The following ZNF585B variants were observed in gnomAD, a reference collection of about 807,000 sequenced individuals.
ZNF585B encodes the protein zinc finger protein 41-like protein.
A neutral mutation model predicts 14.0 loss-of-function variants in ZNF585B; 7 were observed. The observed-to-expected ratio is 0.50, with a 90% CI of 0.28 to 0.94. The LOEUF (loss-of-function observed/expected upper bound fraction) is 0.94, where lower values mean the gene tolerates loss of function less well. Among genes scored for constraint, ZNF585B ranks in the 40% least tolerant of loss-of-function variants. The pLI is 0.09. For missense variants in ZNF585B, 750 were observed against 924.4 expected (o/e 0.81, Z 2.45); for synonymous variants, 290 against 317.3 (o/e 0.91, Z 0.91).
At chr19:37,191,643 C>G (rs1038683965) in intron 2 of ZNF585B, among the ~76,000 whole-genome samples, 11 of 151,390 alleles carry the variant, frequency 7.3e-5, no homozygotes, top group Non-Finnish European at 1.2e-4. Flanking sequence ...TCTAGTTTTA[C>G]ATAATTTGTG....
intron 2 of ZNF585B, among the ~76,000 whole-genome samples, chr19:37,193,157 A>G (rs1453268640): frequency 2.0e-5 from 3 of 151,668 alleles, no homozygotes; most frequent in Admixed American, 2.0e-4. Context: ...AAACAAAAAA[A>G]AACACCACAT....
intron 2 of ZNF585B, among the ~76,000 whole-genome samples, chr19:37,198,042 G>T (rs1972488127): frequency 6.6e-6 from 1 of 151,996 alleles, no homozygotes; most frequent in South Asian, 2.1e-4. Flanking sequence ...AAAAAAAAAT[G>T]ACTTAAATTT....
chr19:37,208,638 G>C (rs1972612894), intron 1 of ZNF585B, among the ~76,000 whole-genome samples: 1 of 151,230 alleles, frequency 6.6e-6, no homozygotes, highest in African/African-American at 2.4e-5. Flanking sequence ...AAAATTCAGA[G>C]AAAAGGAAGC....
Position 37,190,013 on chromosome 19 carries a change from A to T in ZNF585B, c.199+11T>A. 1 of 1,613,232 alleles carries T rather than the reference A, an allele frequency of 6.2e-7. No individual in the cohort carries two copies. ...AGGCCTCCTTTCAGATACCAAGGTG[A>T]CTGTGCTTACCTACTGAGAGCAGGT... On this transcript the variant is annotated intron_variant, in intron 3 of 4. Coordinates refer to ENST00000532828, the MANE Select transcript of ZNF585B (RefSeq NM_152279.4).
At chr19:37,192,576 C>T (rs1452647584) in intron 2 of ZNF585B, among the ~76,000 whole-genome samples, 8 of 151,586 alleles carry the variant, frequency 5.3e-5, no homozygotes, top group African/African-American at 9.7e-5. Context: ...TTTGGGAGGC[C>T]GGGGCAGGTG....
chr19:37,186,933 A>G lies in ZNF585B; in HGVS notation c.604T>C (p.Phe202Leu). Residue 202 changes from phenylalanine to leucine, a missense_variant, in exon 5 of 5, where the codon TTC becomes CTC. Phe to Leu is a conservative substitution (Grantham distance 22, BLOSUM62 0). Around this residue, in one of 2 missense-constraint regions of ZNF585B, gnomAD observed 517 missense variants for 570.3 expected, o/e 0.91. Transcript: ENST00000532828. ...GKSFFQVSSLFRHHRIHTGEK... is the reference protein window; with the variant it reads ...GKSFFQVSSLLRHHRIHTGEK... ...CCGGTATGAATTCTGTGATGCCTGA[A>G]AAGAGACGATACTTGAAAAAAGGAT... The G allele has an allele frequency of 6.2e-7, 1 of 1,614,140 alleles. No individual in the cohort carries two copies. Among genetic ancestry groups the G allele is most frequent in the Non-Finnish European group, 8.5e-7 (1 of 1,180,024 alleles).
intron 1 of ZNF585B, among the ~76,000 whole-genome samples, chr19:37,207,827 A>T (rs565535054): frequency 1.3e-5 from 2 of 152,110 alleles, no homozygotes; most frequent in East Asian, 3.9e-4. Context: ...GTAAGATAAT[A>T]AACATATCAG....
rs1381420896 is a variant in ZNF585B at position 37,184,422 on chromosome 19, GAAAGAA to G, written c.*799_*804del. 1.1e-3 allele frequency: 83 copies of G among 74,922 alleles called. 3 individuals carry two copies. The highest frequency in any genetic ancestry group is 7.6e-3 in the Middle Eastern group (1 of 132). The allele number at this position is 74,922 out of a possible 1,614,324, so 4.6% of individuals were successfully genotyped here. The stretch of plus-strand genomic sequence containing the variant: ...AAAGAAAGAAAGAAAGAAAGAGAAA[GAAAGAA>G]AAAGAAAGAAAGAAGGAAAGAAAGA... On this transcript the variant is annotated 3_prime_UTR_variant, in exon 5 of 5. Transcript: ENST00000532828.
chr19:37,205,358 C>T (rs747121714), intron 2 of ZNF585B, among the ~76,000 whole-genome samples: 20 of 152,148 alleles, frequency 1.3e-4, no homozygotes, highest in Non-Finnish European at 4.4e-5. Flanking sequence ...GTGACTAGAA[C>T]CCTGAAATGA....
At chr19:37,209,858 G>A (rs1249320004) in intron 1 of ZNF585B, among the ~76,000 whole-genome samples, 1 of 151,474 alleles carries the variant, frequency 6.6e-6, no homozygotes, top group African/African-American at 2.4e-5. Flanking sequence ...TGGGACTACA[G>A]GCGCCCGCCA....
At chr19:37,191,029 T>C (rs948798244) in intron 2 of ZNF585B, among the ~76,000 whole-genome samples, 1 of 152,216 alleles carries the variant, frequency 6.6e-6, no homozygotes, top group African/African-American at 2.4e-5. Context: ...CACACATTGA[T>C]CCATCTTACT....
rs759172258 is a variant in ZNF585B at position 37,189,796 on chromosome 19, G to A, written c.200-43C>T. 37 of 1,611,086 alleles carry A rather than the reference G, an allele frequency of 2.3e-5. No homozygotes were observed. The Middle Eastern group carries it at 6.6e-4, about 29-fold the overall frequency. On this transcript the variant is annotated intron_variant, in intron 3 of 4. Transcript: ENST00000532828. Reference sequence around the variant, plus strand: ...TAAAGGTCTGGGTCCAGCTAATTACGTTTCAGAGCCCAACAAATACAGTCT... The same window carrying A: ...TAAAGGTCTGGGTCCAGCTAATTACATTTCAGAGCCCAACAAATACAGTCT...
chr19:37,199,999 C>T (rs373168048), intron 2 of ZNF585B, among the ~76,000 whole-genome samples: 44 of 151,494 alleles, frequency 2.9e-4, no homozygotes, highest in African/African-American at 9.9e-4. Context: ...CCCGAGATGG[C>T]GCCACTGCAC....
Position 37,186,908 on chromosome 19 carries a change from C to G in ZNF585B, c.629G>C (p.Gly210Ala), listed in dbSNP as rs780227959. The G allele has an allele frequency of 3.2e-5, 52 of 1,613,800 alleles. No homozygotes were observed. The highest frequency in any genetic ancestry group is 4.2e-5 in the Non-Finnish European group (49 of 1,179,976). ...TTCACTACATTCATATAGTTTTTCT[C>G]CGGTATGAATTCTGTGATGCCTGAA... ...SLFRHHRIHTGEKLYECSECG... is the reference protein window; with the variant it reads ...SLFRHHRIHTAEKLYECSECG... The change falls in exon 5 of 5, where the codon GGA becomes GCA. Residue 210 changes from glycine (G) to alanine (A), a missense_variant. By Grantham distance (60) the Gly-to-Ala change is moderately conservative. This residue lies in a region of ZNF585B where 517 missense variants were observed against 570.3 expected (regional missense o/e 0.91). Transcript: ENST00000532828.
Position 37,184,407 on chromosome 19 carries a change from AG to A in ZNF585B, c.*819del, listed in dbSNP as rs1568504775. 117 of 60,304 alleles carry A rather than the reference AG, an allele frequency of 1.9e-3. 5 individuals carry two copies. The highest frequency in any genetic ancestry group is 9.0e-3 in the South Asian group (16 of 1,776). 3.7% of individuals were successfully genotyped at this position (60,304 alleles called of 1,614,324 possible). A position where few individuals can be genotyped will look rare whatever the true frequency, so the allele number is the denominator to read the frequency against. On this transcript the variant is annotated 3_prime_UTR_variant, in exon 5 of 5. Transcript: ENST00000532828. ...AAGAAAGAAAGAAAGAAAGAAAGAA[AG>A]AAAGAAAGAGAAAGAAAGAAAAAGA... is the stretch of plus-strand genomic sequence containing the variant.
chr19:37,210,320 G>A (rs1252966396), intron 1 of ZNF585B, 121 bp downstream of exon 1: 1 of 151,978 alleles, frequency 6.6e-6, no homozygotes, highest in Non-Finnish European at 1.5e-5. Flanking sequence ...AGAAATCCCT[G>A]TCACAGACAA....
chr19:37,194,482 G>T (rs1050013486), intron 2 of ZNF585B, among the ~76,000 whole-genome samples: 2 of 152,038 alleles, frequency 1.3e-5, no homozygotes, highest in East Asian at 3.9e-4. Flanking sequence ...GCATGGTGGC[G>T]CATGCCTGTA....
intron 1 of ZNF585B, among the ~76,000 whole-genome samples, 156 bp from the exon 2 acceptor site, chr19:37,207,410 TA>T (rs1294292561): frequency 6.6e-6 from 1 of 152,266 alleles, no homozygotes; most frequent in Non-Finnish European, 1.5e-5. Flanking sequence ...AAACATAGTT[TA>T]AAATTCTCAA....
chr19:37,207,606 A>G (rs1003788335), intron 1 of ZNF585B, among the ~76,000 whole-genome samples: 1 of 152,214 alleles, frequency 6.6e-6, no homozygotes, highest in Non-Finnish European at 1.5e-5. Context: ...CAGCTGTACC[A>G]CTTTTCAACA....
Sources: allele counts gnomAD v4.1 joint callset (sites outside exome capture counted in the v4.1 genomes callset), GRCh38; gene constraint gnomAD v4.1.1; regional missense constraint gnomAD v4.1.1; transcripts MANE v1.5; gene names NCBI Gene and HGNC (gene_info 2026-07-23, HGNC 2026-07-21).